Variants in VPS13B observed in about 807,000 individuals in gnomAD.
The protein encoded by VPS13B is vacuolar protein sorting 13 homolog B.
A neutral mutation model predicts 426.4 loss-of-function variants in VPS13B; 285 were observed. The ratio of observed to expected loss-of-function variants is 0.67; its 90% CI spans 0.61 to 0.74. The LOEUF is 0.74. Ranked by LOEUF, VPS13B falls within the 30% of genes least tolerant of loss-of-function variation. VPS13B has a pLI of 0.00. For missense variants in VPS13B, 4,537 were observed against 4,782.6 expected (o/e 0.95, Z 1.51); for synonymous variants, 1,676 against 1,676.4 (o/e 1.00, Z 0.01).
intron 43 of VPS13B, among the ~76,000 whole-genome samples, chr8:99,797,488 T>C (rs78346206): frequency 0.044 from 6,627 of 152,260 alleles, 155 homozygotes; most frequent in African/African-American, 0.053. Context: ...GTCAACACTG[T>C]TCTTTGCATA....
intron 23 of VPS13B, among the ~76,000 whole-genome samples, chr8:99,461,229 GT>G (rs1043358749): frequency 3.3e-5 from 5 of 151,910 alleles, no homozygotes; most frequent in African/African-American, 1.2e-4. Context: ...CCCATTACGA[GT>G]AAGGAAATGC....
Position 99,520,936 on chromosome 8 carries a change from G to T in VPS13B, c.4671G>T (p.Lys1557Asn). The T allele has an allele frequency of 1.2e-6, 2 of 1,613,790 alleles. No individual in the cohort carries two copies. The highest frequency in any genetic ancestry group is 1.7e-6 in the Non-Finnish European group (2 of 1,179,752). The change falls in exon 30 of 62, where the codon AAG (lysine) becomes AAT (asparagine). Residue 1557 changes from lysine to asparagine, a missense_variant. Transcript: ENST00000357162. The stretch of plus-strand genomic sequence containing the variant: ...CAAAAGAAGACACTGTGGTTTTGAA[G>T]ATTGGCTCTGTTGCCATGGCTCCCC... ...QAAKEDTVVLKIGSVAMAPQA... is the reference protein window; with the variant it reads ...QAAKEDTVVLNIGSVAMAPQA...
chr8:99,526,085 C>A (rs192932909), intron 30 of VPS13B, among the ~76,000 whole-genome samples: 26 of 146,944 alleles, frequency 1.8e-4, no homozygotes, highest in African/African-American at 6.3e-4. Context: ...TACTAAATGT[C>A]TGCCTGCAGA....
intron 33 of VPS13B, among the ~76,000 whole-genome samples, chr8:99,625,526 A>C (rs1828572273): frequency 6.6e-6 from 1 of 151,664 alleles, no homozygotes; most frequent in Non-Finnish European, 1.5e-5. Flanking sequence ...CAGCCTGGGT[A>C]ACATAGTGAG....
intron 3 of VPS13B, among the ~76,000 whole-genome samples, chr8:99,084,947 A>G (rs980021524): frequency 2.6e-5 from 4 of 152,024 alleles, no homozygotes; most frequent in African/African-American, 4.8e-5. Flanking sequence ...TGGGGTGGAG[A>G]GTTCTGTAGA....
At chr8:99,621,302 T>G (rs1828337997) in intron 33 of VPS13B, among the ~76,000 whole-genome samples, 1 of 152,222 alleles carries the variant, frequency 6.6e-6, no homozygotes, top group Non-Finnish European at 1.5e-5. Context: ...TCTCCATAAA[T>G]AAGGATGAAG....
chr8:99,310,775 C>G (rs1333187900), intron 19 of VPS13B, among the ~76,000 whole-genome samples: 1 of 152,102 alleles, frequency 6.6e-6, no homozygotes, highest in Non-Finnish European at 1.5e-5. Flanking sequence ...CCAGCTCCTC[C>G]TTGTACCTCT....
intron 33 of VPS13B, among the ~76,000 whole-genome samples, chr8:99,580,984 AACACACACACACAC>A (rs34074519): frequency 1.1e-3 from 135 of 126,684 alleles, no homozygotes; most frequent in African/African-American, 1.4e-3. Context: ...ATCTCTACAA[AACACACACACACAC>A]ACACACACAC....
At chr8:99,653,629 T>C (rs796320723) in intron 34 of VPS13B, among the ~76,000 whole-genome samples, 2 of 152,340 alleles carry the variant, frequency 1.3e-5, no homozygotes, top group African/African-American at 4.8e-5. Flanking sequence ...AAGGAATTAA[T>C]TGAATTGATA....
chr8:99,055,923 T>A (rs1843825047), intron 3 of VPS13B, among the ~76,000 whole-genome samples: 1 of 111,732 alleles, frequency 8.9e-6, no homozygotes, highest in Non-Finnish European at 1.9e-5. Flanking sequence ...TTTTTTTTTT[T>A]AGAGAGAGGG....
At chr8:99,106,196 C>G (rs956871556) in intron 5 of VPS13B, among the ~76,000 whole-genome samples, 13 of 151,724 alleles carry the variant, frequency 8.6e-5, no homozygotes, top group Non-Finnish European at 1.6e-4. Flanking sequence ...TTTTGGGAGG[C>G]TGAGGCGGGC....
At chr8:99,251,591 G>A (rs890508578) in intron 17 of VPS13B, among the ~76,000 whole-genome samples, 2 of 151,942 alleles carry the variant, frequency 1.3e-5, no homozygotes, top group Non-Finnish European at 2.9e-5. Flanking sequence ...TTAATATTTT[G>A]ATAAGTTCGT....
At chr8:99,583,521 G>C (rs1168961152) in intron 33 of VPS13B, among the ~76,000 whole-genome samples, 1 of 152,042 alleles carries the variant, frequency 6.6e-6, no homozygotes, top group Non-Finnish European at 1.5e-5. Flanking sequence ...GGTTGTTTGG[G>C]GTGGTATTTT....
At chr8:99,356,718 T>C (rs1287864608) in intron 19 of VPS13B, among the ~76,000 whole-genome samples, 1 of 152,206 alleles carries the variant, frequency 6.6e-6, no homozygotes, top group African/African-American at 2.4e-5. Context: ...AGCTTTACTT[T>C]TATATTATAA....
At chr8:99,029,622 G>A (rs1182606187) in intron 2 of VPS13B, among the ~76,000 whole-genome samples, 1 of 151,758 alleles carries the variant, frequency 6.6e-6, no homozygotes, top group Non-Finnish European at 1.5e-5. Context: ...AAAAAAAAAC[G>A]AAAACCAGTC....
chr8:99,121,299 C>T lies in VPS13B; in HGVS notation c.1060C>T (p.Pro354Ser), dbSNP rs1563552575. 6.2e-7 allele frequency: 1 copy of T among 1,614,106 alleles called. No individual in the cohort carries two copies. The highest frequency in any genetic ancestry group is 1.7e-5 in the Admixed American group (1 of 60,018). The change falls in exon 8 of 62, where the codon CCT becomes TCT. Residue 354 changes from proline to serine, a missense_variant. Pro to Ser is a moderately conservative substitution (Grantham distance 74). Around this residue, in one of 2 missense-constraint regions of VPS13B, gnomAD observed 4,311 missense variants for 4,474.3 expected, o/e 0.96. Coordinates refer to ENST00000357162, the MANE Select transcript of VPS13B (RefSeq NM_152564.5). ...GWVSWAWSFVPAIVSYDDGEE... is the reference protein window; with the variant it reads ...GWVSWAWSFVSAIVSYDDGEE... The stretch of plus-strand genomic sequence containing the variant: ...GGTGTCATGGGCCTGGTCCTTTGTG[C>T]CTGCAATTGTGAGTTATGACGATGG...
At chr8:99,352,072 T>C (rs1811923460) in intron 19 of VPS13B, among the ~76,000 whole-genome samples, 1 of 152,208 alleles carries the variant, frequency 6.6e-6, no homozygotes, top group African/African-American at 2.4e-5. Context: ...CTGCTTAGGC[T>C]TGTGTTATAT....
intron 43 of VPS13B, among the ~76,000 whole-genome samples, chr8:99,794,610 T>G (rs1247415258): frequency 6.6e-6 from 1 of 152,212 alleles, no homozygotes; most frequent in African/African-American, 2.4e-5. Context: ...TGTTTGCACC[T>G]TGTAGTTTTC....
chr8:99,454,452 G>A (rs1210151478), intron 23 of VPS13B, among the ~76,000 whole-genome samples: 3 of 152,156 alleles, frequency 2.0e-5, no homozygotes, highest in Non-Finnish European at 4.4e-5. Context: ...TTACAGGTGT[G>A]AGCAGCTGCA....
Sources: allele counts gnomAD v4.1 joint callset (sites outside exome capture counted in the v4.1 genomes callset), GRCh38; gene constraint gnomAD v4.1.1; regional missense constraint gnomAD v4.1.1; transcripts MANE v1.5; gene names NCBI Gene and HGNC (gene_info 2026-07-23, HGNC 2026-07-21).